The following BMAL1 variants were observed in gnomAD, a reference collection of about 807,000 sequenced individuals.
BMAL1 encodes basic helix-loop-helix ARNT-like protein 1.
At chr11:13,356,218 TTGAAAAGC>T in the BMAL1 span, 7 of 454,060 alleles carry the variant, frequency 1.5e-5, no homozygotes, top group Admixed American at 4.8e-5. Flanking sequence ...AGTAGTGCCT[TTGAAAAGC>T]TGCCTGGGGC....
At chr11:13,306,482 C>T in the BMAL1 span, among the ~76,000 whole-genome samples, 3 of 152,298 alleles carry the variant, frequency 2.0e-5, no homozygotes, top group Admixed American at 2.0e-4. Context: ...GGGGTCTAAG[C>T]GTGGCAGAGG....
At chr11:13,360,705 G>C in the BMAL1 span, among the ~76,000 whole-genome samples, 1 of 152,326 alleles carries the variant, frequency 6.6e-6, no homozygotes, top group African/African-American at 2.4e-5. Flanking sequence ...AGGGGGATTT[G>C]AGAATCACAT....
chr11:13,354,142 C>T, the BMAL1 span, among the ~76,000 whole-genome samples: 15 of 152,232 alleles, frequency 9.9e-5, no homozygotes, highest in East Asian at 5.8e-4. Flanking sequence ...GTTCTGGGTC[C>T]GGGGGTGTGA....
chr11:13,284,230 G>GTATATATATATA, the BMAL1 span, among the ~76,000 whole-genome samples: 5 of 20,652 alleles, frequency 2.4e-4, no homozygotes, highest in Non-Finnish European at 4.0e-4. Context: ...ATATATATGT[G>GTATATATATATA]TGTGTATATA....
the BMAL1 span, among the ~76,000 whole-genome samples, chr11:13,281,083 G>T: frequency 3.9e-5 from 6 of 152,132 alleles, no homozygotes; most frequent in Non-Finnish European, 8.8e-5. Context: ...CATGTAAAAG[G>T]CCTGGCACAC....
chr11:13,302,921 C>T, the BMAL1 span, among the ~76,000 whole-genome samples: 1 of 152,164 alleles, frequency 6.6e-6, no homozygotes, highest in Non-Finnish European at 1.5e-5. Flanking sequence ...TCTTTCTCTC[C>T]GAGATGTTGC....
chr11:13,374,928 C>T, the BMAL1 span, among the ~76,000 whole-genome samples: 17 of 152,368 alleles, frequency 1.1e-4, no homozygotes, highest in East Asian at 3.3e-3. Flanking sequence ...CCCATCCCTG[C>T]CTGCAGAGGC....
the BMAL1 span, among the ~76,000 whole-genome samples, chr11:13,377,415 A>G: frequency 3.0e-4 from 46 of 152,152 alleles, no homozygotes; most frequent in South Asian, 6.2e-4. Context: ...CTCCCCCATT[A>G]TATCTAAACA....
the BMAL1 span, among the ~76,000 whole-genome samples, chr11:13,326,111 G>A: frequency 2.6e-5 from 4 of 151,814 alleles, no homozygotes; most frequent in Non-Finnish European, 5.9e-5. Context: ...GCTGAGGCAG[G>A]AGAATTGTTT....
the BMAL1 span, among the ~76,000 whole-genome samples, chr11:13,385,944 A>G: frequency 6.6e-6 from 1 of 152,252 alleles, no homozygotes; most frequent in African/African-American, 2.4e-5. Flanking sequence ...AAATCTCTAA[A>G]AAGTTGACCA....
At chr11:13,379,176 A>T in the BMAL1 span, 1 of 152,270 alleles carries the variant, frequency 6.6e-6, no homozygotes, top group Non-Finnish European at 1.5e-5. Flanking sequence ...ACAGCCTGAC[A>T]TATAGTGAGT....
the BMAL1 span, among the ~76,000 whole-genome samples, chr11:13,303,509 A>G: frequency 6.6e-6 from 1 of 152,204 alleles, no homozygotes; most frequent in African/African-American, 2.4e-5. Context: ...TTGTTAGGTT[A>G]ACAAACAAAC....
At chr11:13,356,207 C>T in the BMAL1 span, 1 of 452,442 alleles carries the variant, frequency 2.2e-6, no homozygotes, top group Non-Finnish European at 4.4e-6. Context: ...GAATATTTGG[C>T]AGTAGTGCCT....
the BMAL1 span, chr11:13,380,802 A>G: frequency 5.9e-6 from 1 of 168,486 alleles, no homozygotes; most frequent in Non-Finnish European, 1.3e-5. Flanking sequence ...AAATTCACCA[A>G]CTGAATGCAA....
chr11:13,377,736 C>T, the BMAL1 span, among the ~76,000 whole-genome samples: 1 of 152,258 alleles, frequency 6.6e-6, no homozygotes, highest in Non-Finnish European at 1.5e-5. Flanking sequence ...ATCTATCATG[C>T]TCTCATCATC....
At chr11:13,304,855 C>A in the BMAL1 span, among the ~76,000 whole-genome samples, 1,977 of 152,310 alleles carry the variant, frequency 0.013, 47 homozygotes, top group African/African-American at 0.044. Context: ...ATGCTGCCAG[C>A]GGTCCGGTTG....
At chr11:13,343,718 T>C in the BMAL1 span, among the ~76,000 whole-genome samples, 1 of 152,198 alleles carries the variant, frequency 6.6e-6, no homozygotes, top group South Asian at 2.1e-4. Flanking sequence ...CTGGGGGAAC[T>C]AGCACTGTTT....
chr11:13,367,201 T>C, the BMAL1 span, among the ~76,000 whole-genome samples: 1 of 152,168 alleles, frequency 6.6e-6, no homozygotes, highest in Non-Finnish European at 1.5e-5. Flanking sequence ...CAACTATAAA[T>C]ATGGTGTTTC....
the BMAL1 span, among the ~76,000 whole-genome samples, chr11:13,288,093 G>A: frequency 6.6e-6 from 1 of 152,190 alleles, no homozygotes; most frequent in Non-Finnish European, 1.5e-5. Flanking sequence ...GGAAGTGGCT[G>A]AGCGGAAACA....
Sources: gnomAD v4.1 joint callset for allele counts (sites outside exome capture counted in the v4.1 genomes callset) on GRCh38, gnomAD v4.1.1 for gene constraint, MANE v1.5 for transcripts, NCBI Gene and HGNC (gene_info 2026-07-23, HGNC 2026-07-21) for gene names.